The following LRRK2 variants were observed in gnomAD, a reference collection of about 807,000 sequenced individuals.
LRRK2 encodes the protein leucine rich repeat kinase 2.
In LRRK2, 203 loss-of-function variants were observed where a neutral mutation model predicts 302.6. That is an observed-to-expected ratio of 0.67 (90% CI 0.60 to 0.75). The LOEUF is 0.75. Ranked by LOEUF, LRRK2 falls within the 30% of genes least tolerant of loss-of-function variation. LRRK2 has a pLI of 0.00. For missense variants in LRRK2, 2,830 were observed against 2,951.0 expected (o/e 0.96, Z 0.95); for synonymous variants, 1,066 against 1,031.9 (o/e 1.03, Z -0.63).
At chr12:40,350,598 A>C (rs1405256188) in intron 43 of LRRK2, among the ~76,000 whole-genome samples, 2 of 152,178 alleles carry the variant, frequency 1.3e-5, no homozygotes. Context: ...ATTTGGTATT[A>C]TAATTAATTG....
chr12:40,324,278 C>T (rs1320189368), intron 38 of LRRK2, among the ~76,000 whole-genome samples: 1 of 151,928 alleles, frequency 6.6e-6, no homozygotes, highest in African/African-American at 2.4e-5. Context: ...TTATGGTGTA[C>T]AACATGATGT....
chr12:40,314,040 A>G lies in LRRK2; in HGVS notation c.4605A>G (p.Leu1535=), dbSNP rs1175811248. Residue 1535 remains leucine, a synonymous_variant, in exon 32 of 51, where the codon TTA becomes TTG. Transcript: ENST00000298910. ...DCYVELEKII[L]SERKNVPIEF... ...ATGTAGAACTTGAAAAAATCATTTTATCGGAGCGTAAAAATGTGCCAATTG... is the reference window on the plus strand; with the variant it reads ...ATGTAGAACTTGAAAAAATCATTTTGTCGGAGCGTAAAAATGTGCCAATTG... 3 of 1,612,578 alleles carry G rather than the reference A, an allele frequency of 1.9e-6. No individual in the cohort carries two copies. Among genetic ancestry groups the G allele is most frequent in the Non-Finnish European group, 2.5e-6 (3 of 1,178,960 alleles).
At position 40,274,651 on chromosome 12, in the gene LRRK2, T is replaced by C; in HGVS notation, c.1725T>C (p.Asp575=). The C allele has an allele frequency of 1.2e-6, 2 of 1,614,030 alleles. No homozygotes were observed. The highest frequency in any genetic ancestry group is 1.7e-6 in the Non-Finnish European group (2 of 1,179,922). Residue 575 remains aspartate, a synonymous_variant, in exon 15 of 51, where the codon GAT becomes GAC. Coordinates refer to ENST00000298910, the MANE Select transcript of LRRK2 (RefSeq NM_198578.4). The part of the protein sequence containing the change: ...KVISSIVHFP[D]ALEMLSLEGA... ...TTTCTTCTATTGTACATTTTCCTGA[T>C]GCATTAGAGATGTTATCCCTGGAAG...
chr12:40,298,694 C>T (rs188549151), intron 24 of LRRK2, among the ~76,000 whole-genome samples: 4 of 147,584 alleles, frequency 2.7e-5, no homozygotes, highest in Non-Finnish European at 6.0e-5. Context: ...ATCGCTTGAA[C>T]CCAGGAGGCG....
chr12:40,283,014 A>G (rs991388797), intron 18 of LRRK2, among the ~76,000 whole-genome samples: 1 of 151,652 alleles, frequency 6.6e-6, no homozygotes, highest in African/African-American at 2.4e-5. Context: ...ATAAAATGGG[A>G]GTAATAATTG....
At position 40,322,197 on chromosome 12, in the gene LRRK2, T is replaced by C; in HGVS notation, c.5317+16T>C. ...TGTAGAAAAGGTAAGGAAATCAATT[T>C]GAATGTTTTCAATTGCAACACTAAA... is the stretch of plus-strand genomic sequence containing the variant. On this transcript the variant is annotated intron_variant, in intron 36 of 50. Coordinates refer to ENST00000298910, the MANE Select transcript of LRRK2 (RefSeq NM_198578.4). The C allele has an allele frequency of 6.2e-7, 1 of 1,606,584 alleles. No individual in the cohort carries two copies. Among genetic ancestry groups the C allele is most frequent in the Non-Finnish European group, 8.5e-7 (1 of 1,175,402 alleles).
In LRRK2 at chr12:40,354,448, T is replaced by C; in HGVS notation, c.6726T>C (p.Thr2242=). 1.2e-6 allele frequency: 2 copies of C among 1,614,172 alleles called. No homozygotes were observed. The highest frequency in any genetic ancestry group is 8.5e-7 in the Non-Finnish European group (1 of 1,180,010). ...GKKRHTLEKM[T]DSVTCLYCNS... Reference sequence around the variant, plus strand: ...AGAGACATACCCTAGAAAAGATGACTGATTCTGTCACTTGTTTGTATTGCA... The same window carrying C: ...AGAGACATACCCTAGAAAAGATGACCGATTCTGTCACTTGTTTGTATTGCA... The change falls in exon 45 of 51, where the codon ACT becomes ACC. Residue 2242 remains threonine (T), a synonymous_variant. Transcript: ENST00000298910.
chr12:40,274,840 T>G lies in LRRK2; in HGVS notation c.1802-14T>G. 1.2e-6 allele frequency: 2 copies of G among 1,610,020 alleles called. No individual in the cohort carries two copies. The highest frequency in any genetic ancestry group is 1.7e-6 in the Non-Finnish European group (2 of 1,176,714). On this transcript the variant is annotated splice_polypyrimidine_tract_variant and intron_variant, in intron 15 of 50. Coordinates refer to ENST00000298910, the MANE Select transcript of LRRK2 (RefSeq NM_198578.4). Reference sequence around the variant, plus strand: ...TTTGAGATTTAAAACAATTCTTTTTTTTTATTTTCCTAGAAATTCAGTGTC... The same window carrying G: ...TTTGAGATTTAAAACAATTCTTTTTGTTTATTTTCCTAGAAATTCAGTGTC...
intron 38 of LRRK2, among the ~76,000 whole-genome samples, chr12:40,324,116 A>C (rs533492699): frequency 7.9e-5 from 12 of 152,312 alleles, no homozygotes; most frequent in Admixed American, 1.3e-4. Context: ...TCTGTAGATT[A>C]CATGTGTGGT....
Position 40,298,778 on chromosome 12 carries a change from AATATAT to A in LRRK2, c.3347+301_3347+306del, listed in dbSNP as rs113272586. Among the ~76,000 whole-genome samples the A allele has an allele frequency of 1.3e-4, 8 of 60,644 alleles. 2 individuals carry two copies. The highest frequency in any genetic ancestry group is 6.9e-4 in the South Asian group (1 of 1,450). 39.8% of individuals were successfully genotyped at this position (60,644 alleles called of 152,430 possible). A position where few individuals can be genotyped will look rare whatever the true frequency, so the allele number is the denominator to read the frequency against. On this transcript the variant is annotated intron_variant, in intron 24 of 50. Coordinates refer to ENST00000298910, the MANE Select transcript of LRRK2 (RefSeq NM_198578.4). Reference sequence around the variant, plus strand: ...CAGAGGCGAGACTCTGTCTCAAAGAAATATATATATATATATATATAATATATGTAT... The same window carrying A: ...CAGAGGCGAGACTCTGTCTCAAAGAAATATATATATATATAATATATGTAT...
At chr12:40,326,934 T>C (rs1315957385) in intron 38 of LRRK2, among the ~76,000 whole-genome samples, 6 of 152,242 alleles carry the variant, frequency 3.9e-5, no homozygotes, top group Admixed American at 6.5e-5. Flanking sequence ...ATATACTCTC[T>C]CTGAGCATAA....
rs1944809139 is a variant in LRRK2, at chr12:40,305,984, T to C, written c.3959+18T>C. 1.3e-6 allele frequency: 2 copies of C among 1,578,728 alleles called. No individual in the cohort carries two copies. The highest frequency in any genetic ancestry group is 2.7e-5 in the African/African-American group (2 of 74,314). On this transcript the variant is annotated intron_variant, in intron 28 of 50. Transcript: ENST00000298910. The stretch of plus-strand genomic sequence containing the variant: ...ATCATAAGGTTAGATAATTTTTTTC[T>C]ATTTGGTTTTACTAAATTTATTTCA...
Position 40,225,047 on chromosome 12 carries a change from G to T in LRRK2, c.-85G>T. On this transcript the variant is annotated 5_prime_UTR_variant, in exon 1 of 51. Transcript: ENST00000298910. ...GGGCGGTGAGCTGAGCTCGCCCCCG[G>T]GGAGCTGTGGCCGGCGCCCCTGCCG... 1 of 1,571,622 alleles carries T rather than the reference G, an allele frequency of 6.4e-7. No individual in the cohort carries two copies.
At position 40,367,752 on chromosome 12, in the gene LRRK2, C is replaced by T. The variant is rs1350369852; in HGVS notation, c.7571C>T (p.Thr2524Ile). The T allele has an allele frequency of 1.2e-6, 2 of 1,604,986 alleles. 1 individual carries two copies. Among genetic ancestry groups the T allele is most frequent in the South Asian group, 2.2e-5 (2 of 90,156 alleles). Residue 2524 changes from threonine (T) to isoleucine (I), a missense_variant, in exon 51 of 51, where the codon ACA becomes ATA. Transcript: ENST00000298910. Reference protein sequence around the residue: ...RKELAEKMRRTSVE With the variant: ...RKELAEKMRRISVE Reference sequence around the variant, plus strand: ...GAATTAGCTGAAAAAATGAGACGAACATCTGTTGAGTAAGAGAGAAATAGG... The same window carrying T: ...GAATTAGCTGAAAAAATGAGACGAATATCTGTTGAGTAAGAGAGAAATAGG...
chr12:40,322,198 G>T lies in LRRK2; in HGVS notation c.5317+17G>T. On this transcript the variant is annotated intron_variant, in intron 36 of 50. Coordinates refer to ENST00000298910, the MANE Select transcript of LRRK2 (RefSeq NM_198578.4). ...GTAGAAAAGGTAAGGAAATCAATTTGAATGTTTTCAATTGCAACACTAAAG... is the reference window on the plus strand; with the variant it reads ...GTAGAAAAGGTAAGGAAATCAATTTTAATGTTTTCAATTGCAACACTAAAG... The T allele has an allele frequency of 6.3e-7, 1 of 1,597,376 alleles. No individual in the cohort carries two copies. Among genetic ancestry groups the T allele is most frequent in the Non-Finnish European group, 8.6e-7 (1 of 1,168,108 alleles).
At chr12:40,256,327 G>A (rs1474836503) in intron 11 of LRRK2, among the ~76,000 whole-genome samples, 4 of 152,070 alleles carry the variant, frequency 2.6e-5, no homozygotes, top group African/African-American at 9.7e-5. Context: ...CACACTTGTA[G>A]TCCCTGGTAC....
chr12:40,309,466 TA>T (rs1412514416), intron 30 of LRRK2, among the ~76,000 whole-genome samples: 1 of 152,162 alleles, frequency 6.6e-6, no homozygotes, highest in East Asian at 1.9e-4. Flanking sequence ...GAAACTCTTT[TA>T]TGCTGTAAAA....
Position 40,263,853 on chromosome 12 carries a change from G to C in LRRK2, c.1608G>C (p.Gln536His). 1.2e-6 allele frequency: 2 copies of C among 1,613,122 alleles called. No homozygotes were observed. Among genetic ancestry groups the C allele is most frequent in the Non-Finnish European group, 1.7e-6 (2 of 1,179,412 alleles). ...FHHKLNMVKK[Q>H]CFKNDIHKLV... is the part of the protein sequence containing the mutation. ...ATAAGCTAAATATGGTTAAAAAACAGTGTTTCAAGAATGATATTCACAAAC... is the reference window on the plus strand; with the variant it reads ...ATAAGCTAAATATGGTTAAAAAACACTGTTTCAAGAATGATATTCACAAAC... Residue 536 changes from glutamine (Q) to histidine (H), a missense_variant, in exon 14 of 51, where the codon CAG becomes CAC. By Grantham distance (24) the Gln-to-His change is conservative. Around this residue, in one of 3 missense-constraint regions of LRRK2, gnomAD observed 2,121 missense variants for 2,148.0 expected, o/e 0.99. Transcript: ENST00000298910.
At chr12:40,241,550 T>C (rs1356660299) in intron 6 of LRRK2, among the ~76,000 whole-genome samples, 1 of 152,234 alleles carries the variant, frequency 6.6e-6, no homozygotes, top group Non-Finnish European at 1.5e-5. Context: ...TGTGGGTTTC[T>C]ACAGGATATA....
Sources: allele counts gnomAD v4.1 joint callset (sites outside exome capture counted in the v4.1 genomes callset), GRCh38; gene constraint gnomAD v4.1.1; regional missense constraint gnomAD v4.1.1; transcripts MANE v1.5; gene names NCBI Gene and HGNC (gene_info 2026-07-23, HGNC 2026-07-21).